Variants in HERC1 observed in about 807,000 individuals in gnomAD.
HERC1 encodes HECT and RLD domain containing E3 ubiquitin protein ligase family member 1.
In HERC1, 160 loss-of-function variants were observed where a neutral mutation model predicts 554.3. That is an observed-to-expected ratio of 0.29 (90% CI 0.25 to 0.33). The LOEUF is 0.33. HERC1 is among the 10% of genes least tolerant of loss of function. The pLI is 1.00. For missense variants in HERC1, 4,919 were observed against 5,918.5 expected (o/e 0.83, Z 5.54); for synonymous variants, 2,175 against 2,131.7 (o/e 1.02, Z -0.56).
intron 12 of HERC1, among the ~76,000 whole-genome samples, chr15:63,742,317 T>C (rs974763561): frequency 2.6e-5 from 4 of 152,222 alleles, no homozygotes; most frequent in African/African-American, 9.6e-5. Flanking sequence ...ACAATTTTTG[T>C]ACATTTATCT....
chr15:63,772,086 C>T (rs774599467), intron 2 of HERC1, among the ~76,000 whole-genome samples: 6 of 151,198 alleles, frequency 4.0e-5, no homozygotes, highest in Non-Finnish European at 7.4e-5. Context: ...CACGCCACTA[C>T]ACTCCAGCCT....
At chr15:63,799,767 T>C (rs1471179527) in intron 1 of HERC1, among the ~76,000 whole-genome samples, 5 of 152,064 alleles carry the variant, frequency 3.3e-5, no homozygotes, top group African/African-American at 1.2e-4. Flanking sequence ...AAACTAAAAT[T>C]GCAGAGAACC....
At chr15:63,753,202 A>C in intron 7 of HERC1, 117 bp from the exon 8 acceptor site, 1 of 663,874 alleles carries the variant, frequency 1.5e-6, no homozygotes, top group Non-Finnish European at 2.2e-6. Flanking sequence ...GCAGATATGA[A>C]AAGCTATGTT....
At chr15:63,678,754 G>C (rs2071328832) in intron 36 of HERC1, among the ~76,000 whole-genome samples, 1 of 152,120 alleles carries the variant, frequency 6.6e-6, no homozygotes, top group Admixed American at 6.5e-5. Flanking sequence ...ATTGTTCAAG[G>C]GGTGCAAAAG....
chr15:63,717,214 A>T (rs974965860), intron 21 of HERC1, among the ~76,000 whole-genome samples: 1 of 152,222 alleles, frequency 6.6e-6, no homozygotes. Context: ...CACACAGTAC[A>T]TGTCATTTAT....
At chr15:63,619,061 C>T (rs1004332474) in intron 74 of HERC1, among the ~76,000 whole-genome samples, 16 of 152,266 alleles carry the variant, frequency 1.1e-4, no homozygotes, top group South Asian at 8.3e-4. Context: ...AGAGGGCATC[C>T]CTCTCTTGTG....
intron 1 of HERC1, among the ~76,000 whole-genome samples, chr15:63,787,347 G>A (rs1413373951): frequency 6.6e-6 from 1 of 151,556 alleles, no homozygotes; most frequent in Non-Finnish European, 1.5e-5. Context: ...AGTAGAGGCA[G>A]GGTTTCACAA....
chr15:63,643,891 T>C (rs1566966661), intron 57 of HERC1, among the ~76,000 whole-genome samples: 1 of 152,232 alleles, frequency 6.6e-6, no homozygotes, highest in Non-Finnish European at 1.5e-5. Context: ...TTTCACTTCA[T>C]GTAATTTTCA....
intron 19 of HERC1, among the ~76,000 whole-genome samples, chr15:63,719,733 T>C (rs901476476): frequency 6.6e-6 from 1 of 152,098 alleles, no homozygotes. Flanking sequence ...ATTGACAGAA[T>C]TTGTTGATAG....
At chr15:63,711,789 A>T (rs2073309718) in intron 24 of HERC1, among the ~76,000 whole-genome samples, 1 of 152,180 alleles carries the variant, frequency 6.6e-6, no homozygotes. Flanking sequence ...ACCAGAAGCC[A>T]AGTCTGACAC....
chr15:63,809,574 T>C (rs973429250), intron 1 of HERC1, among the ~76,000 whole-genome samples: 1 of 152,120 alleles, frequency 6.6e-6, no homozygotes, highest in African/African-American at 2.4e-5. Flanking sequence ...AGACCAATCC[T>C]GGGCCACTGC....
chr15:63,807,584 T>A (rs145019690), intron 1 of HERC1, among the ~76,000 whole-genome samples: 56 of 152,224 alleles, frequency 3.7e-4, no homozygotes, highest in African/African-American at 1.3e-3. Context: ...CTACAACTAG[T>A]CCATTTATTT....
rs376065765 is a variant in HERC1, at chr15:63,666,081, T to C, written c.8393A>G (p.His2798Arg). Residue 2798 changes from histidine to arginine, a missense_variant, in exon 42 of 78, where the codon CAT becomes CGT. Transcript: ENST00000443617. ...LAMWMIEHPG[H>R]EDEEEPQSGS... ...CGACTGGGGCTCCTCTTCATCCTCATGCCCAGGGTGCTCTATCATCCACAT... is the reference window on the plus strand; with the variant it reads ...CGACTGGGGCTCCTCTTCATCCTCACGCCCAGGGTGCTCTATCATCCACAT... 3 of 1,613,928 alleles carry C rather than the reference T, an allele frequency of 1.9e-6. No homozygotes were observed. In the African/African-American group the frequency reaches 4.0e-5, roughly 22 times the overall value.
At position 63,729,259 on chromosome 15, in the gene HERC1, C is replaced by T. The variant is rs1013530532; in HGVS notation, c.3131G>A (p.Gly1044Asp). The change falls in exon 16 of 78, where the codon GGC becomes GAC. Residue 1044 changes from glycine (G) to aspartate (D), a missense_variant. Physicochemically the swap from Gly to Asp is moderately conservative, Grantham distance 94. Around this residue, in one of 11 missense-constraint regions of HERC1, gnomAD observed 1,121 missense variants for 1,244.0 expected, o/e 0.90. Coordinates refer to ENST00000443617, the MANE Select transcript of HERC1 (RefSeq NM_003922.4). ...ANLLKESPWN[G>D]SVGEKLRDVI... is the part of the protein sequence containing the mutation. ...ACCTCTTAATTTTTCTCCAACACTGCCATTCCAAGGACTTTCTTTGAGCAA... is the reference window on the plus strand; with the variant it reads ...ACCTCTTAATTTTTCTCCAACACTGTCATTCCAAGGACTTTCTTTGAGCAA... 5 of 1,603,784 alleles carry T rather than the reference C, an allele frequency of 3.1e-6. No homozygotes were observed. Among genetic ancestry groups the T allele is most frequent in the African/African-American group, 1.3e-5 (1 of 74,298 alleles).
chr15:63,638,691 T>C lies in HERC1; in HGVS notation c.11967+20A>G. On this transcript the variant is annotated intron_variant, in intron 62 of 77. Transcript: ENST00000443617. ...ACATTGACTGAGAACCATCATACAGTTATCTTCATCTTTACTGACCTCAGG... is the reference window on the plus strand; with the variant it reads ...ACATTGACTGAGAACCATCATACAGCTATCTTCATCTTTACTGACCTCAGG... 2 of 1,604,890 alleles carry C rather than the reference T, an allele frequency of 1.2e-6. No individual in the cohort carries two copies. Among genetic ancestry groups the C allele is most frequent in the Non-Finnish European group, 1.7e-6 (2 of 1,171,662 alleles).
rs2074180432 is a variant in HERC1 at position 63,729,387 on chromosome 15, C to T, written c.3022-19G>A. 2 of 1,590,292 alleles carry T rather than the reference C, an allele frequency of 1.3e-6. No individual in the cohort carries two copies. Among genetic ancestry groups the T allele is most frequent in the Non-Finnish European group, 1.7e-6 (2 of 1,171,640 alleles). On this transcript the variant is annotated intron_variant, in intron 15 of 77. Transcript: ENST00000443617. ...TTGAGTTCTAAGAAGAAAAAAAGTT[C>T]CTAAATTACTACTTTGAAAGATTCA...
intron 1 of HERC1, among the ~76,000 whole-genome samples, chr15:63,832,607 T>C (rs2078195990): frequency 6.6e-6 from 1 of 152,164 alleles, no homozygotes. Context: ...TATACATAGG[T>C]ACTAGACCCA....
chr15:63,691,684 A>C (rs764732835), intron 31 of HERC1, among the ~76,000 whole-genome samples: 20 of 152,202 alleles, frequency 1.3e-4, no homozygotes, highest in Non-Finnish European at 2.4e-4. Context: ...ATTAAGAAAA[A>C]AAGTATATTG....
Position 63,726,975 on chromosome 15 carries a change from C to T in HERC1, c.3346+672G>A, listed in dbSNP as rs149649237. Among the ~76,000 whole-genome samples the T allele has an allele frequency of 3.4e-4, 51 of 152,170 alleles. No homozygotes were observed. The East Asian group carries it at 9.5e-3, about 28-fold the overall frequency. ...GACTGAATCTTAGCAAGTTCTGAGA[C>T]GCTTTAGAAAAGAATAAACTGGCCA... is the stretch of plus-strand genomic sequence containing the variant. On this transcript the variant is annotated intron_variant, in intron 17 of 77. Transcript: ENST00000443617.
Sources: allele counts gnomAD v4.1 joint callset (sites outside exome capture counted in the v4.1 genomes callset), GRCh38; gene constraint gnomAD v4.1.1; regional missense constraint gnomAD v4.1.1; transcripts MANE v1.5; gene names NCBI Gene and HGNC (gene_info 2026-07-23, HGNC 2026-07-21).